MRPL3: variants seen among roughly 807,000 people sequenced by gnomAD.
The protein encoded by MRPL3 is mitochondrial ribosomal protein L3, also known as large ribosomal subunit protein uL3m.
A neutral mutation model predicts 44.3 loss-of-function variants in MRPL3; 43 were observed. The observed-to-expected ratio is 0.97, with a 90% CI of 0.76 to 1.25. The LOEUF (loss-of-function observed/expected upper bound fraction) is 1.25, where lower values mean the gene tolerates loss of function less well. Ranked by LOEUF, MRPL3 falls within the 50% of genes most tolerant of loss-of-function variation. The probability of loss-of-function intolerance (pLI) is 0.00; values close to 1 mark genes in which losing one functional copy is unlikely to be tolerated. For synonymous variants in MRPL3, 171 were observed against 152.3 expected (o/e 1.12, Z -0.91); for missense variants, 406 against 427.6 (o/e 0.95, Z 0.45).
intron 5 of MRPL3, among the ~76,000 whole-genome samples, chr3:131,488,197 T>C (rs1251413700): frequency 6.6e-6 from 1 of 152,184 alleles, no homozygotes; most frequent in Non-Finnish European, 1.5e-5. Context: ...TCATGGTATG[T>C]ATGACATCTA....
intron 4 of MRPL3, 107 bp downstream of exon 4, chr3:131,498,072 C>A: frequency 6.9e-6 from 6 of 864,760 alleles, no homozygotes; most frequent in Non-Finnish European, 1.1e-5. Context: ...ATTTACCTCA[C>A]AAACAAATGC....
At chr3:131,477,593 T>C (rs535158855) in intron 6 of MRPL3, among the ~76,000 whole-genome samples, 2 of 152,274 alleles carry the variant, frequency 1.3e-5, no homozygotes, top group South Asian at 4.1e-4. Flanking sequence ...TGTTGAACAA[T>C]AATCAACTCA....
chr3:131,500,460 A>G lies in MRPL3; in HGVS notation c.339T>C (p.Asp113=), dbSNP rs376825598. The G allele has an allele frequency of 3.2e-5, 51 of 1,613,744 alleles. 1 individual carries two copies. Among genetic ancestry groups the G allele is most frequent in the Non-Finnish European group, 4.2e-5 (50 of 1,179,862 alleles). ...KLGMMPLWTK[D]GQKHVVTLLQ... ...GTAATGTGACCACATGCTTTTGACC[A>G]TCCTTGGTCCATAAAGGCATCATGC... Residue 113 remains aspartate, a synonymous_variant, in exon 3 of 10, where the codon GAT becomes GAC. Transcript: ENST00000264995.
At chr3:131,479,582 C>T (rs1050128280) in intron 6 of MRPL3, among the ~76,000 whole-genome samples, 3 of 152,084 alleles carry the variant, frequency 2.0e-5, no homozygotes, top group African/African-American at 4.8e-5. Flanking sequence ...TGGTGGCTCA[C>T]GGCCTGTAAT....
chr3:131,482,080 C>T (rs1428152892), intron 6 of MRPL3, among the ~76,000 whole-genome samples: 2 of 152,196 alleles, frequency 1.3e-5, no homozygotes, highest in Non-Finnish European at 2.9e-5. Flanking sequence ...CCCATGTTGA[C>T]AGTTTAAACA....
Position 131,478,107 on chromosome 3 carries a change from T to A in MRPL3, c.630-6828A>T, listed in dbSNP as rs140468379. Among the ~76,000 whole-genome samples, 909 of 152,310 alleles carry A rather than the reference T, an allele frequency of 6.0e-3. 9 individuals are homozygous for A. The highest frequency in any genetic ancestry group is 0.02 in the African/African-American group (830 of 41,570). On this transcript the variant is annotated intron_variant, in intron 6 of 9. Transcript: ENST00000264995. Reference sequence around the variant, plus strand: ...TTTAGAGCTGTAATGGCAGAATAAGTTAGTTCTCTCATGGGCAAGAGAGAA... The same window carrying A: ...TTTAGAGCTGTAATGGCAGAATAAGATAGTTCTCTCATGGGCAAGAGAGAA...
rs1312508260 is a variant in MRPL3, at chr3:131,462,438, A to G, written c.*285T>C. 2.0e-5 allele frequency: 5 copies of G among 250,724 alleles called. No homozygotes were observed. Among genetic ancestry groups the G allele is most frequent in the Non-Finnish European group, 3.8e-5 (5 of 133,002 alleles). 15.5% of individuals were successfully genotyped at this position (250,724 alleles called of 1,614,324 possible). ...TACAGACATCTTAAGATAACTTGGG[A>G]AATATGTAGTAAAAAAGAATCGAGT... On this transcript the variant is annotated 3_prime_UTR_variant, in exon 10 of 10. Transcript: ENST00000264995.
intron 6 of MRPL3, among the ~76,000 whole-genome samples, chr3:131,477,755 T>C (rs1933887983): frequency 6.6e-6 from 1 of 152,150 alleles, no homozygotes; most frequent in African/African-American, 2.4e-5. Context: ...AAAACCACAA[T>C]ACCATTATCA....
chr3:131,478,117 C>T (rs564290538), intron 6 of MRPL3, among the ~76,000 whole-genome samples: 1 of 152,314 alleles, frequency 6.6e-6, no homozygotes, highest in South Asian at 2.1e-4. Flanking sequence ...TTAGTTCTCT[C>T]ATGGGCAAGA....
chr3:131,497,128 G>A (rs1173612905), intron 4 of MRPL3, among the ~76,000 whole-genome samples: 2 of 152,166 alleles, frequency 1.3e-5, no homozygotes, highest in Admixed American at 6.5e-5. Context: ...TATTGTACTG[G>A]GATGGCTGGT....
intron 5 of MRPL3, among the ~76,000 whole-genome samples, chr3:131,489,268 A>C (rs1488919159): frequency 6.6e-6 from 1 of 152,050 alleles, no homozygotes; most frequent in Non-Finnish European, 1.5e-5. Flanking sequence ...AAAATTGCAA[A>C]ATCTTAACTT....
chr3:131,472,827 G>A (rs1326984184), intron 6 of MRPL3, among the ~76,000 whole-genome samples: 2 of 151,568 alleles, frequency 1.3e-5, no homozygotes, highest in South Asian at 4.2e-4. Context: ...CAATAGCTAC[G>A]AAAAAATAAA....
intron 7 of MRPL3, 130 bp downstream of exon 7, chr3:131,471,041 G>T: frequency 1.6e-6 from 1 of 640,488 alleles, no homozygotes; most frequent in East Asian, 2.7e-5. Context: ...TCCATAAAAG[G>T]GTGACAAGTA....
At chr3:131,490,978 C>T (rs542080894) in intron 4 of MRPL3, among the ~76,000 whole-genome samples, 15 of 152,332 alleles carry the variant, frequency 9.8e-5, no homozygotes, top group Admixed American at 3.9e-4. Flanking sequence ...ATGGTTTCCT[C>T]CTGAAATTGT....
chr3:131,483,556 TA>T, intron 6 of MRPL3, among the ~76,000 whole-genome samples: 1 of 152,216 alleles, frequency 6.6e-6, no homozygotes, highest in Non-Finnish European at 1.5e-5. Context: ...GTGACACTGG[TA>T]AATTTACCTA....
At chr3:131,502,317 T>C (rs1229217224) in intron 1 of MRPL3, among the ~76,000 whole-genome samples, 1 of 152,220 alleles carries the variant, frequency 6.6e-6, no homozygotes, top group Non-Finnish European at 1.5e-5. Flanking sequence ...AAATTCAGGC[T>C]AGATTCCTAA....
chr3:131,497,914 G>T, intron 4 of MRPL3: 1 of 388,118 alleles, frequency 2.6e-6, no homozygotes, highest in Non-Finnish European at 4.6e-6. Context: ...TAGTATTTTT[G>T]TTCCCATTGT....
At chr3:131,480,989 A>T (rs560380271) in intron 6 of MRPL3, among the ~76,000 whole-genome samples, 8 of 152,206 alleles carry the variant, frequency 5.3e-5, no homozygotes, top group Non-Finnish European at 1.2e-4. Flanking sequence ...CCCAAAATCA[A>T]ATCGCTGGAA....
At chr3:131,480,625 C>A (rs1933962245) in intron 6 of MRPL3, among the ~76,000 whole-genome samples, 1 of 152,028 alleles carries the variant, frequency 6.6e-6, no homozygotes, top group South Asian at 2.1e-4. Flanking sequence ...CCCAACTGCA[C>A]TAAATAAACC....
Sources: allele counts gnomAD v4.1 joint callset (sites outside exome capture counted in the v4.1 genomes callset), GRCh38; gene constraint gnomAD v4.1.1; transcripts MANE v1.5; gene names NCBI Gene and HGNC (gene_info 2026-07-23, HGNC 2026-07-21).